Variants in CORO2B observed in about 807,000 individuals in gnomAD.
The protein encoded by CORO2B is coronin-2B.
CORO2B carries 26 observed loss-of-function variants against 58.8 expected under a neutral mutation model. The ratio of observed to expected loss-of-function variants is 0.44; its 90% CI spans 0.32 to 0.61. The LOEUF is 0.61. Among genes scored for constraint, CORO2B ranks in the 20% least tolerant of loss-of-function variants. The pLI is 0.04. For synonymous variants in CORO2B, 242 were observed against 253.8 expected (o/e 0.95, Z 0.44); for missense variants, 460 against 645.1 (o/e 0.71, Z 3.11).
chr15:68,595,009 C>T (rs569309374), intron 1 of CORO2B, among the ~76,000 whole-genome samples: 20 of 152,316 alleles, frequency 1.3e-4, no homozygotes, highest in Admixed American at 2.0e-4. Flanking sequence ...GCTGTCCGTG[C>T]AGTTCTAGCT....
chr15:68,644,072 C>A (rs1281742972), intron 1 of CORO2B, among the ~76,000 whole-genome samples: 1 of 152,012 alleles, frequency 6.6e-6, no homozygotes, highest in African/African-American at 2.4e-5. Context: ...CAAAAAAAAC[C>A]AACTACAAAG....
intron 3 of CORO2B, among the ~76,000 whole-genome samples, chr15:68,698,544 G>C (rs1449355704): frequency 6.6e-6 from 1 of 152,200 alleles, no homozygotes; most frequent in Non-Finnish European, 1.5e-5. Flanking sequence ...TGAGCCAAGA[G>C]ACTCTGTTCA....
the CORO2B span, among the ~76,000 whole-genome samples, chr15:68,551,339 G>A: frequency 3.3e-5 from 5 of 152,116 alleles, no homozygotes; most frequent in Admixed American, 2.6e-4. Context: ...ACAACCCCCA[G>A]GGGTCCTCCC....
At chr15:68,713,874 G>A in intron 5 of CORO2B, 51 bp from the exon 6 acceptor site, 1 of 1,292,440 alleles carries the variant, frequency 7.7e-7, no homozygotes, top group Non-Finnish European at 1.1e-6. Context: ...TGCCACTGCA[G>A]AACCCACATG....
chr15:68,620,572 G>A (rs1049783769), intron 1 of CORO2B, among the ~76,000 whole-genome samples: 1 of 152,192 alleles, frequency 6.6e-6, no homozygotes, highest in African/African-American at 2.4e-5. Context: ...TCATTCAAAA[G>A]TCTGCGTTTA....
chr15:68,616,570 A>G, intron 1 of CORO2B: 4 of 985,468 alleles, frequency 4.1e-6, no homozygotes, highest in Non-Finnish European at 3.6e-6. Flanking sequence ...GCCGTGGGCC[A>G]TTGTGCAAGT....
At position 68,579,123 on chromosome 15, in the gene CORO2B, C is replaced by G; in HGVS notation, c.-140C>G. The G allele has an allele frequency of 1.0e-6, 1 of 982,234 alleles. No individual in the cohort carries two copies. The highest frequency in any genetic ancestry group is 1.2e-6 in the Non-Finnish European group (1 of 828,632). 60.8% of individuals were successfully genotyped at this position (982,234 alleles called of 1,614,324 possible). ...TGCGCGCTGCCCGCCCGGAGCGCAG[C>G]CCCCAGGCTCGGCCGAGCCGCCGGC... On this transcript the variant is annotated 5_prime_UTR_variant, in exon 1 of 12. Transcript: ENST00000261861.
the CORO2B span, among the ~76,000 whole-genome samples, chr15:68,526,224 T>G: frequency 6.6e-6 from 1 of 152,220 alleles, no homozygotes; most frequent in Non-Finnish European, 1.5e-5. Flanking sequence ...TAAGATGTTA[T>G]GAACACTTAC....
At chr15:68,527,013 G>C in the CORO2B span, among the ~76,000 whole-genome samples, 12 of 152,292 alleles carry the variant, frequency 7.9e-5, no homozygotes, top group East Asian at 2.3e-3. Flanking sequence ...AGAGAGGTGT[G>C]TGCAGAGAGA....
Position 68,716,432 on chromosome 15 carries a change from C to A in CORO2B, c.967+1121C>A, listed in dbSNP as rs1051404244. On this transcript the variant is annotated intron_variant, in intron 8 of 11. Coordinates refer to ENST00000261861, the MANE Select transcript of CORO2B (RefSeq NM_006091.5). ...CCTGCTCCTTCACATAGTTGTTCAA[C>A]AAACAGTTATTGACCTCCAGCTGTG... is the stretch of plus-strand genomic sequence containing the variant. 1.1e-4 allele frequency among the ~76,000 whole-genome samples: 17 copies of A among 152,228 alleles called. 1 individual carries two copies. The highest frequency in any genetic ancestry group is 4.1e-4 in the African/African-American group (17 of 41,460).
At chr15:68,697,468 C>T (rs868568504) in intron 3 of CORO2B, among the ~76,000 whole-genome samples, 12 of 152,174 alleles carry the variant, frequency 7.9e-5, no homozygotes, top group South Asian at 6.2e-4. Context: ...TCAGTTCACA[C>T]GCTGGGGGTG....
At chr15:68,706,972 T>G (rs1892799956) in intron 3 of CORO2B, among the ~76,000 whole-genome samples, 1 of 152,094 alleles carries the variant, frequency 6.6e-6, no homozygotes, top group African/African-American at 2.4e-5. Flanking sequence ...CTAGGCTTCT[T>G]TTTTTTGAGA....
intron 2 of CORO2B, among the ~76,000 whole-genome samples, chr15:68,679,575 G>A (rs914112899): frequency 2.0e-5 from 3 of 152,190 alleles, no homozygotes; most frequent in Non-Finnish European, 2.9e-5. Context: ...CTTCTGTGGT[G>A]CCAGGCCCCG....
At chr15:68,603,043 C>T (rs1566982429) in intron 1 of CORO2B, among the ~76,000 whole-genome samples, 1 of 152,116 alleles carries the variant, frequency 6.6e-6, no homozygotes, top group Non-Finnish European at 1.5e-5. Flanking sequence ...GCCCCCTGCT[C>T]AAGGATGGGT....
chr15:68,705,037 G>T (rs1344076579), intron 3 of CORO2B, among the ~76,000 whole-genome samples: 1 of 152,170 alleles, frequency 6.6e-6, no homozygotes, highest in Admixed American at 6.5e-5. Context: ...CAGGCCCACT[G>T]TGAACTCCAG....
chr15:68,573,035 A>G, the CORO2B span, among the ~76,000 whole-genome samples: 1 of 151,998 alleles, frequency 6.6e-6, no homozygotes, highest in South Asian at 2.1e-4. Flanking sequence ...ACCCACACAC[A>G]CTTGCAGAGG....
chr15:68,537,255 C>T, the CORO2B span, among the ~76,000 whole-genome samples: 1 of 152,186 alleles, frequency 6.6e-6, no homozygotes, highest in African/African-American at 2.4e-5. Flanking sequence ...CCAAGAACTA[C>T]ATTTCCCAGA....
the CORO2B span, among the ~76,000 whole-genome samples, chr15:68,560,725 C>T: frequency 1.6e-4 from 25 of 152,324 alleles, no homozygotes; most frequent in African/African-American, 5.8e-4. Context: ...GGGCCGCTCT[C>T]CAGCTGTGCT....
intron 2 of CORO2B, among the ~76,000 whole-genome samples, chr15:68,685,080 T>A (rs1902917617): frequency 6.6e-6 from 1 of 152,190 alleles, no homozygotes; most frequent in African/African-American, 2.4e-5. Context: ...AAATCACCCA[T>A]CTGCTGGGTT....
Sources: allele counts gnomAD v4.1 joint callset (sites outside exome capture counted in the v4.1 genomes callset), GRCh38; gene constraint gnomAD v4.1.1; transcripts MANE v1.5; gene names NCBI Gene and HGNC (gene_info 2026-07-23, HGNC 2026-07-21).